CDKAL1: variants seen among roughly 807,000 people sequenced by gnomAD.
CDKAL1 encodes CDKAL1 threonylcarbamoyladenosine tRNA methylthiotransferase.
A neutral mutation model predicts 68.2 loss-of-function variants in CDKAL1; 32 were observed. The observed-to-expected ratio is 0.47, with a 90% CI of 0.35 to 0.63. CDKAL1 has a LOEUF of 0.63. Among genes scored for constraint, CDKAL1 ranks in the 30% least tolerant of loss-of-function variants. The pLI, the probability that CDKAL1 is intolerant of heterozygous loss-of-function variation, is 0.00. For missense variants in CDKAL1, 606 were observed against 696.7 expected (o/e 0.87, Z 1.47); for synonymous variants, 234 against 244.3 (o/e 0.96, Z 0.39).
In CDKAL1 at chr6:20,692,956, C is replaced by A. The variant is rs561540381; in HGVS notation, c.371+43579C>A. On this transcript the variant is annotated intron_variant, in intron 5 of 15. Transcript: ENST00000274695. ...CCTGGCTAACACGGTGAAACCCAAT[C>A]TCTACTAAAAAAAAATACAAAAAAT... Among the ~76,000 whole-genome samples the A allele has an allele frequency of 2.6e-4, 40 of 151,712 alleles. 1 individual carries two copies. The South Asian group carries it at 7.9e-3, about 30-fold the overall frequency.
intron 5 of CDKAL1, among the ~76,000 whole-genome samples, chr6:20,677,233 G>A (rs1438057422): frequency 1.5e-4 from 22 of 150,518 alleles, no homozygotes; most frequent in Admixed American, 1.5e-3. Context: ...ACCAGGCCTG[G>A]CTAATTTTTG....
chr6:21,135,647 A>G (rs13216162), intron 13 of CDKAL1: 155 of 970,114 alleles, frequency 1.6e-4, no homozygotes, highest in Non-Finnish European at 1.8e-4. Flanking sequence ...TTCCAGCAAC[A>G]TAGAAACTAT....
intron 13 of CDKAL1, among the ~76,000 whole-genome samples, chr6:21,151,230 T>C (rs1776397824): frequency 6.6e-6 from 1 of 152,134 alleles, no homozygotes. Flanking sequence ...TGCTGTCAGC[T>C]CCCTAGCTCT....
intron 9 of CDKAL1, among the ~76,000 whole-genome samples, chr6:20,937,448 G>A (rs760636474): frequency 4.6e-5 from 7 of 152,144 alleles, no homozygotes; most frequent in African/African-American, 1.2e-4. Flanking sequence ...CTTAACGTTG[G>A]TAAAATACTA....
At position 21,119,563 on chromosome 6, in the gene CDKAL1, G is replaced by A. The variant is rs562456138; in HGVS notation, c.1299+11100G>A. Among the ~76,000 whole-genome samples, 46 of 152,280 alleles carry A rather than the reference G, an allele frequency of 3.0e-4. No individual in the cohort carries two copies. The South Asian group carries it at 8.9e-3, about 30-fold the overall frequency. On this transcript the variant is annotated intron_variant, in intron 13 of 15. Coordinates refer to ENST00000274695, the MANE Select transcript of CDKAL1 (RefSeq NM_017774.3). The stretch of plus-strand genomic sequence containing the variant: ...TTTTCGCTTCTAAAACCTCAGCAGG[G>A]TGTGTGTAGAAATCTTAATTCTTCC...
intron 6 of CDKAL1, among the ~76,000 whole-genome samples, chr6:20,753,847 G>T (rs534914306): frequency 6.6e-6 from 1 of 152,136 alleles, no homozygotes; most frequent in South Asian, 2.1e-4. Context: ...ATCATTTGAG[G>T]AACAGGCAGC....
chr6:20,621,429 T>C (rs1405289995), intron 4 of CDKAL1, among the ~76,000 whole-genome samples: 1 of 152,140 alleles, frequency 6.6e-6, no homozygotes, highest in East Asian at 1.9e-4. Context: ...TTCTCCACTG[T>C]GAAGTTTACT....
chr6:21,199,661 C>CT (rs548805518), intron 14 of CDKAL1, among the ~76,000 whole-genome samples: 276 of 152,280 alleles, frequency 1.8e-3, no homozygotes, highest in Non-Finnish European at 3.2e-3. Flanking sequence ...GGGGAAAACA[C>CT]TGAGCCCTTC....
intron 11 of CDKAL1, among the ~76,000 whole-genome samples, chr6:21,056,017 A>T (rs1311351690): frequency 6.6e-6 from 1 of 152,206 alleles, no homozygotes; most frequent in Non-Finnish European, 1.5e-5. Context: ...ATTTCTCCAC[A>T]GCCTCACCAA....
chr6:20,971,849 T>C (rs908709228), intron 10 of CDKAL1, among the ~76,000 whole-genome samples: 1 of 152,198 alleles, frequency 6.6e-6, no homozygotes, highest in Non-Finnish European at 1.5e-5. Flanking sequence ...TTCCACTTGC[T>C]CTCTAATTCC....
chr6:21,044,309 C>T (rs1027447348), intron 11 of CDKAL1, among the ~76,000 whole-genome samples: 4 of 152,178 alleles, frequency 2.6e-5, no homozygotes, highest in Non-Finnish European at 4.4e-5. Context: ...CCCTCTATTA[C>T]ACTCTGATTC....
chr6:20,689,592 A>C (rs773480424), intron 5 of CDKAL1, among the ~76,000 whole-genome samples: 1 of 152,200 alleles, frequency 6.6e-6, no homozygotes, highest in African/African-American at 2.4e-5. Context: ...TGAAGTCCCC[A>C]CAACCATTTT....
intron 10 of CDKAL1, among the ~76,000 whole-genome samples, chr6:20,970,400 T>C (rs949347831): frequency 2.0e-5 from 3 of 152,166 alleles, no homozygotes; most frequent in African/African-American, 7.2e-5. Context: ...ATTTCCAGAG[T>C]TCTGAAAAAG....
At chr6:20,577,469 A>G (rs948102256) in intron 4 of CDKAL1, among the ~76,000 whole-genome samples, 64 of 152,132 alleles carry the variant, frequency 4.2e-4, no homozygotes, top group African/African-American at 1.5e-3. Flanking sequence ...GTATTATTGA[A>G]CCTGCCAGTG....
At chr6:20,714,827 T>C (rs1186952632) in intron 5 of CDKAL1, among the ~76,000 whole-genome samples, 1 of 152,232 alleles carries the variant, frequency 6.6e-6, no homozygotes, top group African/African-American at 2.4e-5. Context: ...GTATAACCTC[T>C]ACATCTGAAG....
At chr6:20,758,972 G>A (rs1365127948) in intron 7 of CDKAL1, among the ~76,000 whole-genome samples, 1 of 151,914 alleles carries the variant, frequency 6.6e-6, no homozygotes, top group African/African-American at 2.4e-5. Context: ...AAGATCCTGG[G>A]ATCTCTGGGG....
At chr6:20,786,702 T>A (rs1159219814) in intron 8 of CDKAL1, among the ~76,000 whole-genome samples, 1 of 152,008 alleles carries the variant, frequency 6.6e-6, no homozygotes, top group Non-Finnish European at 1.5e-5. Flanking sequence ...TTTCACCGTA[T>A]TAACCAGGAT....
At chr6:20,944,464 A>C (rs1320075350) in intron 9 of CDKAL1, among the ~76,000 whole-genome samples, 1 of 152,204 alleles carries the variant, frequency 6.6e-6, no homozygotes, top group African/African-American at 2.4e-5. Context: ...CTCCTGCCTC[A>C]GACTCCCAAG....
At chr6:20,547,286 C>G (rs1449408817) in intron 3 of CDKAL1, among the ~76,000 whole-genome samples, 1 of 152,066 alleles carries the variant, frequency 6.6e-6, no homozygotes, top group Admixed American at 6.6e-5. Flanking sequence ...TAGAAGATAG[C>G]CTCGGGCAAT....
Sources: gnomAD v4.1 joint callset for allele counts (sites outside exome capture counted in the v4.1 genomes callset) on GRCh38, gnomAD v4.1.1 for gene constraint, MANE v1.5 for transcripts, NCBI Gene and HGNC (gene_info 2026-07-23, HGNC 2026-07-21) for gene names.